The following TRIM36 variants were observed in gnomAD, a reference collection of about 807,000 sequenced individuals.
TRIM36 encodes the protein E3 ubiquitin-protein ligase TRIM36.
A neutral mutation model predicts 72.4 loss-of-function variants in TRIM36; 42 were observed. That is an observed-to-expected ratio of 0.58 (90% CI 0.45 to 0.75). The LOEUF (loss-of-function observed/expected upper bound fraction) is 0.75, where lower values mean the gene tolerates loss of function less well. Among genes scored for constraint, TRIM36 ranks in the 30% least tolerant of loss-of-function variants. The probability of loss-of-function intolerance (pLI) is 0.00; values close to 1 mark genes in which losing one functional copy is unlikely to be tolerated. For missense variants in TRIM36, 913 were observed against 857.1 expected (o/e 1.07, Z -0.81); for synonymous variants, 315 against 282.8 (o/e 1.11, Z -1.14).
intron 2 of TRIM36, among the ~76,000 whole-genome samples, chr5:115,156,282 C>T (rs1754176489): frequency 6.6e-6 from 1 of 151,814 alleles, no homozygotes; most frequent in African/African-American, 2.4e-5. Flanking sequence ...CAAAATACCA[C>T]CATCATTCAT....
rs559565076 is a variant in TRIM36 at position 115,160,516 on chromosome 5, G to A, written c.262+3002C>T. 7.5e-4 allele frequency among the ~76,000 whole-genome samples: 114 copies of A among 152,046 alleles called. 2 individuals are homozygous for A. The highest frequency in any genetic ancestry group is 2.5e-3 in the African/African-American group (103 of 41,444). ...TAGTGGCTACCATACTGGACAATCC[G>A]GGTTTAATTAATCCCTTTATTAGAC... On this transcript the variant is annotated intron_variant, in intron 2 of 9. Coordinates refer to ENST00000513154, the MANE Select transcript of TRIM36 (RefSeq NM_001300759.2).
At chr5:115,152,992 C>A (rs1184867029) in intron 2 of TRIM36, among the ~76,000 whole-genome samples, 2 of 152,088 alleles carry the variant, frequency 1.3e-5, no homozygotes, top group African/African-American at 4.8e-5. Context: ...ACAAGGTACA[C>A]AGGCAAAAAA....
chr5:115,161,563 T>G (rs1754483366), intron 2 of TRIM36, among the ~76,000 whole-genome samples: 1 of 152,214 alleles, frequency 6.6e-6, no homozygotes. Context: ...TGAAAATATT[T>G]AAAAAACAGA....
intron 2 of TRIM36, chr5:115,149,568 T>TGAAA (rs1753773123): frequency 3.9e-5 from 1 of 25,786 alleles, no homozygotes; most frequent in Admixed American, 5.5e-4. Context: ...CTCAGAAATT[T>TGAAA]GAAAAAAAAA....
At chr5:115,156,165 G>A (rs1754169833) in intron 2 of TRIM36, among the ~76,000 whole-genome samples, 1 of 151,860 alleles carries the variant, frequency 6.6e-6, no homozygotes, top group Non-Finnish European at 1.5e-5. Flanking sequence ...AATCATAGAA[G>A]ACATGAAAAA....
chr5:115,131,010 A>G, intron 8 of TRIM36, 121 bp from the exon 9 acceptor site: 3 of 1,101,608 alleles, frequency 2.7e-6, no homozygotes, highest in Non-Finnish European at 3.8e-6. Flanking sequence ...GAGGTGTCAC[A>G]CTACCCCGGA....
At chr5:115,174,780 C>G (rs191931094), upstream of TRIM36, among the ~76,000 whole-genome samples, 102 of 152,304 alleles carry the variant, frequency 6.7e-4, no homozygotes, top group Non-Finnish European at 1.9e-4. Context: ...GTCTTCTCGA[C>G]CATTTAAGCT....
At chr5:115,160,103 T>C (rs893882410) in intron 2 of TRIM36, among the ~76,000 whole-genome samples, 4 of 152,074 alleles carry the variant, frequency 2.6e-5, no homozygotes, top group African/African-American at 9.7e-5. Context: ...TACTGTATAC[T>C]TTATGATCAA....
intron 2 of TRIM36, among the ~76,000 whole-genome samples, chr5:115,147,929 T>TA: frequency 6.6e-6 from 1 of 152,320 alleles, no homozygotes; most frequent in Middle Eastern, 3.4e-3. Context: ...TATTTACTGG[T>TA]AAAAACCCAC....
chr5:115,134,251 T>C lies in TRIM36; in HGVS notation c.1211-104A>G, dbSNP rs959388509. On this transcript the variant is annotated intron_variant, in intron 7 of 9. Transcript: ENST00000513154. The stretch of plus-strand genomic sequence containing the variant: ...TATAAACAGTATTTAATGATTTCTA[T>C]ACTAATACTTTTCTAAATTTATAAT... 5.1e-6 allele frequency: 5 copies of C among 982,922 alleles called. No individual in the cohort carries two copies. The African/African-American group carries it at 6.8e-5, about 13-fold the overall frequency. 60.9% of individuals were successfully genotyped at this position (982,922 alleles called of 1,614,324 possible).
At position 115,129,426 on chromosome 5, in the gene TRIM36, T is replaced by C. The variant is rs181357736; in HGVS notation, c.1796+1166A>G. Among the ~76,000 whole-genome samples the C allele has an allele frequency of 4.6e-3, 705 of 152,068 alleles. 7 individuals are homozygous for C. The highest frequency in any genetic ancestry group is 0.015 in the African/African-American group (642 of 41,486). ...AAAAAAAATTAGCCGGGTGTGGTGG[T>C]GCATGCCTATAATCCCAGCTATTTG... On this transcript the variant is annotated intron_variant, in intron 9 of 9. Coordinates refer to ENST00000513154, the MANE Select transcript of TRIM36 (RefSeq NM_001300759.2).
chr5:115,136,439 G>C (rs1055842240), intron 7 of TRIM36, among the ~76,000 whole-genome samples: 4 of 152,108 alleles, frequency 2.6e-5, no homozygotes, highest in African/African-American at 9.7e-5. Flanking sequence ...GTAACAAAAT[G>C]AATCTGTTTT....
chr5:115,167,344 T>C (rs1754838471), intron 1 of TRIM36, among the ~76,000 whole-genome samples: 1 of 152,222 alleles, frequency 6.6e-6, no homozygotes, highest in African/African-American at 2.4e-5. Flanking sequence ...ACCCATAGTC[T>C]TGGCAATTAA....
intron 1 of TRIM36, among the ~76,000 whole-genome samples, chr5:115,179,742 A>C (rs984624701): frequency 6.6e-6 from 1 of 152,204 alleles, no homozygotes; most frequent in African/African-American, 2.4e-5. Flanking sequence ...AGCTGGCCCC[A>C]AAAGCGTCCG....
chr5:115,141,436 A>T, intron 4 of TRIM36, 62 bp from the exon 5 acceptor site: 4 of 1,176,532 alleles, frequency 3.4e-6, no homozygotes, highest in East Asian at 2.6e-5. Flanking sequence ...ACTTTGCAGA[A>T]TTTTTTTTTA....
At chr5:115,159,557 G>A (rs1754364045) in intron 2 of TRIM36, 1 of 417,416 alleles carries the variant, frequency 2.4e-6, no homozygotes, top group East Asian at 7.6e-5. Context: ...GACCACTGAT[G>A]TTTAAGAATC....
intron 9 of TRIM36, among the ~76,000 whole-genome samples, chr5:115,128,144 G>A (rs755135678): frequency 1.5e-4 from 23 of 152,100 alleles, no homozygotes; most frequent in Non-Finnish European, 2.2e-4. Flanking sequence ...TTGGGAGGCT[G>A]AGGAGGGCGG....
At position 115,137,393 on chromosome 5, in the gene TRIM36, A is replaced by G; in HGVS notation, c.1055T>C (p.Phe352Ser). 6.2e-7 allele frequency: 1 copy of G among 1,613,720 alleles called. No homozygotes were observed. The highest frequency in any genetic ancestry group is 2.2e-5 in the East Asian group (1 of 44,866). Residue 352 changes from phenylalanine to serine, a missense_variant, in exon 6 of 10, where the codon TTT (phenylalanine) becomes TCT (serine). Physicochemically the swap from Phe to Ser is radical, Grantham distance 155. Coordinates refer to ENST00000513154, the MANE Select transcript of TRIM36 (RefSeq NM_001300759.2). ...GTGGAGCTGCTTTGCTGTCTGCACAAAGCAAGACTGATCTGTCTCCTTTAG... is the reference window on the plus strand; with the variant it reads ...GTGGAGCTGCTTTGCTGTCTGCACAGAGCAAGACTGATCTGTCTCCTTTAG... ...EVLKETDQSC[F>S]VQTAKQLHLR...
At chr5:115,134,542 A>G (rs1454908092) in intron 7 of TRIM36, among the ~76,000 whole-genome samples, 5 of 110,476 alleles carry the variant, frequency 4.5e-5, no homozygotes, top group South Asian at 3.3e-4. Context: ...CAAACTCTCA[A>G]TGAATTTTTT....
Sources: allele counts gnomAD v4.1 joint callset (sites outside exome capture counted in the v4.1 genomes callset), GRCh38; gene constraint gnomAD v4.1.1; transcripts MANE v1.5; gene names NCBI Gene and HGNC (gene_info 2026-07-23, HGNC 2026-07-21).